Variants in KCTD2 observed in about 807,000 individuals in gnomAD.
KCTD2 encodes the protein potassium channel tetramerization domain containing 2, also known as BTB/POZ domain-containing protein KCTD2.
KCTD2 carries 18 observed loss-of-function variants against 27.9 expected under a neutral mutation model. The ratio of observed to expected loss-of-function variants is 0.64; its 90% CI spans 0.45 to 0.96. KCTD2 has a LOEUF of 0.96. Among genes scored for constraint, KCTD2 ranks in the 40% least tolerant of loss-of-function variants. The probability of loss-of-function intolerance (pLI) is 0.00; values close to 1 mark genes in which losing one functional copy is unlikely to be tolerated. For synonymous variants in KCTD2, 175 were observed against 148.4 expected, an observed-to-expected ratio of 1.18 and a Z score of -1.30; for missense variants, 280 against 348.0, an observed-to-expected ratio of 0.80 and a Z score of 1.56.
upstream of KCTD2, chr17:75,042,253 T>A (rs141535456): frequency 1.2e-6 from 2 of 1,614,124 alleles, no homozygotes; most frequent in Non-Finnish European, 1.7e-6. Flanking sequence ...CGATAGCTGG[T>A]GGATTCTCAG....
chr17:75,056,895 T>C (rs2073354892), intron 3 of KCTD2, among the ~76,000 whole-genome samples: 1 of 151,968 alleles, frequency 6.6e-6, no homozygotes, highest in Non-Finnish European at 1.5e-5. Context: ...CATGACCTCT[T>C]AGCTCTTAGT....
chr17:75,064,323 G>C lies in KCTD2; in HGVS notation c.*1276G>C, dbSNP rs1191516928. ...GAATGCGGTAGAGCCAGGGGACCCTGTCTGCCCCGAATAACTTTCAGTAGT... is the reference window on the plus strand; with the variant it reads ...GAATGCGGTAGAGCCAGGGGACCCTCTCTGCCCCGAATAACTTTCAGTAGT... On this transcript the variant is annotated 3_prime_UTR_variant, in exon 6 of 6. Coordinates refer to ENST00000322444, the MANE Select transcript of KCTD2 (RefSeq NM_015353.3). The C allele has an allele frequency of 6.6e-6, 1 of 152,280 alleles. No homozygotes were observed. 9.4% of individuals were successfully genotyped at this position (152,280 alleles called of 1,614,324 possible). A position where few individuals can be genotyped will look rare whatever the true frequency, so the allele number is the denominator to read the frequency against.
chr17:75,058,666 G>T (rs905314730), intron 3 of KCTD2, among the ~76,000 whole-genome samples: 1 of 152,150 alleles, frequency 6.6e-6, no homozygotes, highest in East Asian at 1.9e-4. Context: ...AGGCTTAGCG[G>T]CAGGCGCCTG....
chr17:75,052,994 C>T lies in KCTD2; in HGVS notation c.449-20C>T. ...GCAAACCCTCGCACCTATCTGACTG[C>T]AGTTTTGTCCTTGTTCCAGGTGTGC... On this transcript the variant is annotated intron_variant, in intron 2 of 5. Transcript: ENST00000322444. The T allele has an allele frequency of 6.3e-7, 1 of 1,599,162 alleles. No homozygotes were observed. The highest frequency in any genetic ancestry group is 8.6e-7 in the Non-Finnish European group (1 of 1,166,300).
At chr17:75,040,316 G>C (rs536818846) in intron 3 of KCTD2, 1 of 811,294 alleles carries the variant, frequency 1.2e-6, no homozygotes, top group Admixed American at 2.1e-5. Context: ...AAGCGGAAAC[G>C]AATACGCATC....
chr17:75,059,117 TATAATAATAATAA>T (rs2073378812), intron 3 of KCTD2: 1 of 151,474 alleles, frequency 6.6e-6, no homozygotes, highest in Admixed American at 6.6e-5. Context: ...TAAATAAAAT[TATAATAATAATAA>T]ATAATAATAA....
intron 2 of KCTD2, among the ~76,000 whole-genome samples, chr17:75,050,384 C>T (rs1436460389): frequency 1.3e-5 from 2 of 152,130 alleles, no homozygotes; most frequent in Non-Finnish European, 2.9e-5. Flanking sequence ...GCCTCAGCCT[C>T]CCAAGTAGCT....
chr17:75,039,937 T>G, intron 3 of KCTD2: 1 of 773,746 alleles, frequency 1.3e-6, no homozygotes, highest in African/African-American at 1.7e-5. Flanking sequence ...CATAATTATT[T>G]TGAAATTCGT....
Position 75,036,068 on chromosome 17 carries a change from C to A in KCTD2, c.-259+711C>A, listed in dbSNP as rs550857448. On this transcript the variant is annotated intron_variant, in intron 3 of 7. Transcript: ENST00000581589. ...TAATTTTTTTTTTCTTTTTCTTCTT[C>A]CCTGAGACGGAGTCTCGCTCTGTCA... 2.3e-4 allele frequency: 103 copies of A among 453,542 alleles called. 1 individual carries two copies. The highest frequency in any genetic ancestry group is 1.6e-3 in the South Asian group (102 of 64,428). 28.1% of individuals were successfully genotyped at this position (453,542 alleles called of 1,614,324 possible). A position where few individuals can be genotyped will look rare whatever the true frequency, so the allele number is the denominator to read the frequency against.
upstream of KCTD2, chr17:75,042,702 G>A (rs1212830664): frequency 1.9e-6 from 3 of 1,562,650 alleles, no homozygotes; most frequent in Non-Finnish European, 2.6e-6. Context: ...TTTATGAGGT[G>A]AATTTTCAGT....
At chr17:75,040,362 C>T (rs539268299) in intron 3 of KCTD2, 13 of 616,972 alleles carry the variant, frequency 2.1e-5, no homozygotes, top group East Asian at 1.1e-4. Flanking sequence ...AGACTGGGAA[C>T]AGGAGCTCAA....
rs1245342740 is a variant in KCTD2 at position 75,063,267 on chromosome 17, C to G, written c.*220C>G. Reference sequence around the variant, plus strand: ...TGGCTGCAGAATACCTTTTCAGAAACCTGCTTTCATTTGCTTAGCCAGTAT... The same window carrying G: ...TGGCTGCAGAATACCTTTTCAGAAAGCTGCTTTCATTTGCTTAGCCAGTAT... On this transcript the variant is annotated 3_prime_UTR_variant, in exon 6 of 6. Transcript: ENST00000322444. 1 of 596,130 alleles carries G rather than the reference C, an allele frequency of 1.7e-6. No individual in the cohort carries two copies. The allele number at this position is 596,130 out of a possible 1,614,324, so 36.9% of individuals were successfully genotyped here.
rs148808947 is a variant in KCTD2 at position 75,035,057 on chromosome 17, G to C, written c.-384-175G>C. 1.9e-3 allele frequency among the ~76,000 whole-genome samples: 288 copies of C among 152,248 alleles called. 2 individuals are homozygous for C. Among genetic ancestry groups the C allele is most frequent in the African/African-American group, 6.4e-3 (266 of 41,556 alleles). On this transcript the variant is annotated intron_variant, in intron 2 of 7. Coordinates refer to the KCTD2 transcript ENST00000581589. ...GGTGCGAGCAGTGAAGCTGCGGCAC[G>C]CCGGAGCGTTTAATGGCCATCAAAT... is the stretch of plus-strand genomic sequence containing the variant.
chr17:75,035,065 G>C (rs2040100849), intron 2 of KCTD2, among the ~76,000 whole-genome samples: 1 of 151,962 alleles, frequency 6.6e-6, no homozygotes, highest in Non-Finnish European at 1.5e-5. Context: ...ACGCCGGAGC[G>C]TTTAATGGCC....
At chr17:75,042,611 C>T, upstream of KCTD2, 3 of 1,612,760 alleles carry the variant, frequency 1.9e-6, no homozygotes, top group Non-Finnish European at 2.5e-6. Flanking sequence ...GCAAAAGCTA[C>T]CCAGTCAATG....
At chr17:75,039,095 T>A in intron 3 of KCTD2, 2 of 1,613,086 alleles carry the variant, frequency 1.2e-6, no homozygotes, top group Non-Finnish European at 1.7e-6. Flanking sequence ...TTAGTTAATG[T>A]AAACAGAGAC....
In KCTD2 at chr17:75,064,033, A is replaced by C. The variant is rs1444602781; in HGVS notation, c.*986A>C. The C allele has an allele frequency of 6.5e-6, 1 of 152,730 alleles. No individual in the cohort carries two copies. The highest frequency in any genetic ancestry group is 1.5e-5 in the Non-Finnish European group (1 of 68,138). 9.5% of individuals were successfully genotyped at this position (152,730 alleles called of 1,614,324 possible). On this transcript the variant is annotated 3_prime_UTR_variant, in exon 6 of 6. Transcript: ENST00000322444. ...ACTCTCTTGGAAATGCCTTGACTGAATGTGCAATATTTGTGTCTCTTGGTT... is the reference window on the plus strand; with the variant it reads ...ACTCTCTTGGAAATGCCTTGACTGACTGTGCAATATTTGTGTCTCTTGGTT...
intron 3 of KCTD2, chr17:75,040,271 C>T: frequency 7.8e-7 from 1 of 1,283,046 alleles, no homozygotes; most frequent in Non-Finnish European, 1.1e-6. Flanking sequence ...AGCTACGAAT[C>T]CTTAAAGGTC....
chr17:75,048,897 G>A (rs542069107), intron 1 of KCTD2: 46 of 196,796 alleles, frequency 2.3e-4, no homozygotes, highest in African/African-American at 9.5e-4. Flanking sequence ...TAACAAACAC[G>A]CTACAGAAGA....
Sources: allele counts gnomAD v4.1 joint callset (sites outside exome capture counted in the v4.1 genomes callset), GRCh38; gene constraint gnomAD v4.1.1; transcripts MANE v1.5; gene names NCBI Gene and HGNC (gene_info 2026-07-23, HGNC 2026-07-21).